Variants in NLGN4X observed in about 807,000 individuals in gnomAD.
NLGN4X encodes neuroligin-4, X-linked.
Under a neutral mutation model 40.3 loss-of-function variants are expected in NLGN4X, and 3 were observed. The observed-to-expected ratio is 0.07, with a 90% CI of 0.03 to 0.19. The LOEUF is 0.19. Among genes scored for constraint, NLGN4X ranks in the 10% least tolerant of loss-of-function variants. The pLI is 1.00. For synonymous variants in NLGN4X, 270 were observed against 306.8 expected, an observed-to-expected ratio of 0.88 and a Z score of 1.25; for missense variants, 382 against 708.3, an observed-to-expected ratio of 0.54 and a Z score of 5.23.
intron 1 of NLGN4X, among the ~76,000 whole-genome samples, chrX:6,226,337 C>T (rs1188034168): frequency 1.8e-5 from 2 of 110,278 alleles, no homozygotes; most frequent in East Asian, 5.8e-4. Context: ...AAAAAAAAGC[C>T]TTCTGGGGAA....
intron 3 of NLGN4X, among the ~76,000 whole-genome samples, chrX:5,939,541 T>C (rs2033849805): frequency 9.0e-6 from 1 of 111,639 alleles, no homozygotes; most frequent in Admixed American, 9.5e-5. Flanking sequence ...CATGATTCCT[T>C]TTCTGCTCAA....
intron 1 of NLGN4X, among the ~76,000 whole-genome samples, chrX:6,163,104 T>C (rs1222501454): frequency 8.9e-6 from 1 of 111,872 alleles, no homozygotes; most frequent in Non-Finnish European, 1.9e-5. Flanking sequence ...AAGACATGCC[T>C]TTGTTCTTAC....
chrX:6,154,997 G>A (rs1056637618), intron 1 of NLGN4X, among the ~76,000 whole-genome samples: 18 of 111,634 alleles, frequency 1.6e-4, no homozygotes, highest in African/African-American at 5.2e-4. Flanking sequence ...TTTAAGATAC[G>A]TATTTAATTA....
intron 2 of NLGN4X, among the ~76,000 whole-genome samples, chrX:6,088,002 C>G (rs1426113484): frequency 9.0e-6 from 1 of 110,775 alleles, no homozygotes; most frequent in Admixed American, 9.6e-5. Context: ...ATGTGCCATT[C>G]TCATCTACAC....
intron 1 of NLGN4X, among the ~76,000 whole-genome samples, chrX:6,214,597 T>C (rs924938274): frequency 1.3e-4 from 15 of 111,441 alleles, no homozygotes; most frequent in Non-Finnish European, 2.3e-4. Flanking sequence ...AATCCACCAG[T>C]TTTTGCAGAA....
rs919832428 is a variant in NLGN4X, at chrX:6,072,820, C to A, written c.473-43388G>T. Among the ~76,000 whole-genome samples, 3 of 111,394 alleles carry A rather than the reference C, an allele frequency of 2.7e-5. No individual in the cohort carries two copies. The Admixed American group carries it at 2.9e-4, about 11-fold the overall frequency. The stretch of plus-strand genomic sequence containing the variant: ...ACCTAACTAGAATCTCCAATTCCTT[C>A]TCTCCACCTTTGCAAATGTTACTCA... On this transcript the variant is annotated intron_variant, in intron 2 of 5. Coordinates refer to ENST00000381095, the MANE Select transcript of NLGN4X (RefSeq NM_181332.3).
Position 6,124,301 on chromosome X carries a change from G to C in NLGN4X, c.472+26694C>G, listed in dbSNP as rs139804048. ...ATATCCATATACATTAAATATATAAGATAAAGGACAGATAAGAAAAGATAA... is the reference window on the plus strand; with the variant it reads ...ATATCCATATACATTAAATATATAACATAAAGGACAGATAAGAAAAGATAA... On this transcript the variant is annotated intron_variant, in intron 2 of 5. Transcript: ENST00000381095. Among the ~76,000 whole-genome samples the C allele has an allele frequency of 5.2e-3, 583 of 111,433 alleles. 2 individuals are homozygous for C. The highest frequency in any genetic ancestry group is 0.017 in the African/African-American group (537 of 30,754).
At chrX:6,045,391 A>G (rs2037292129) in intron 2 of NLGN4X, among the ~76,000 whole-genome samples, 1 of 112,376 alleles carries the variant, frequency 8.9e-6, no homozygotes, top group Admixed American at 9.5e-5. Flanking sequence ...ACTAAAATGT[A>G]AAAGTTACTT....
chrX:5,986,636 T>G lies in NLGN4X; in HGVS notation c.625+42644A>C, dbSNP rs147357018. Among the ~76,000 whole-genome samples the G allele has an allele frequency of 2.5e-4, 28 of 111,749 alleles. No individual in the cohort carries two copies. In the East Asian group the frequency reaches 7.9e-3, roughly 31 times the overall value. The stretch of plus-strand genomic sequence containing the variant: ...ACATGGAAGGAAAATCAGAAGATAT[T>G]TGCAACATATATAATCAGTGAAGCA... On this transcript the variant is annotated intron_variant, in intron 3 of 5. Coordinates refer to ENST00000381095, the MANE Select transcript of NLGN4X (RefSeq NM_181332.3).
At position 6,092,316 on chromosome X, in the gene NLGN4X, T is replaced by C. The variant is rs200357321; in HGVS notation, c.472+58679A>G. 4.5e-5 allele frequency among the ~76,000 whole-genome samples: 5 copies of C among 112,118 alleles called. No homozygotes were observed. In the East Asian group the frequency reaches 1.4e-3, roughly 32 times the overall value. Reference sequence around the variant, plus strand: ...AGTCTGCCCTTATGTAACACACCCATAGTAGCACTGACCTCAGACAAAGGG... The same window carrying C: ...AGTCTGCCCTTATGTAACACACCCACAGTAGCACTGACCTCAGACAAAGGG... On this transcript the variant is annotated intron_variant, in intron 2 of 5. Coordinates refer to ENST00000381095, the MANE Select transcript of NLGN4X (RefSeq NM_181332.3).
chrX:6,129,382 T>G (rs1199798354), intron 2 of NLGN4X, among the ~76,000 whole-genome samples: 1 of 111,388 alleles, frequency 9.0e-6, no homozygotes, highest in Non-Finnish European at 1.9e-5. Context: ...GAAATCAGTG[T>G]GTGGACCAGA....
chrX:6,064,621 A>C (rs1374006207), intron 2 of NLGN4X, among the ~76,000 whole-genome samples: 1 of 111,343 alleles, frequency 9.0e-6, no homozygotes, highest in Non-Finnish European at 1.9e-5. Flanking sequence ...GAAGCAGGGG[A>C]CAAGCATGTC....
chrX:6,218,158 G>T (rs1232808476), intron 1 of NLGN4X, among the ~76,000 whole-genome samples: 1 of 110,935 alleles, frequency 9.0e-6, no homozygotes, highest in Non-Finnish European at 1.9e-5. Flanking sequence ...CTACCTCAAG[G>T]CTAGGACAAA....
intron 1 of NLGN4X, among the ~76,000 whole-genome samples, chrX:6,164,687 C>T (rs7061428): frequency 0.26 from 28,445 of 110,394 alleles, 2,697 homozygotes; most frequent in Admixed American, 0.29. Flanking sequence ...GTGCAATATC[C>T]GAAAAGCTGA....
intron 3 of NLGN4X, among the ~76,000 whole-genome samples, chrX:5,978,303 TC>T (rs2035259961): frequency 1.1e-5 from 1 of 92,603 alleles, no homozygotes; most frequent in Admixed American, 1.2e-4. Flanking sequence ...TTTCTTTCTT[TC>T]TTTCTTTCTT....
chrX:6,052,709 A>G (rs914616038), intron 2 of NLGN4X, among the ~76,000 whole-genome samples: 2 of 112,279 alleles, frequency 1.8e-5, no homozygotes, highest in African/African-American at 6.5e-5. Context: ...TATATTTAGA[A>G]TTGAAGCCCC....
chrX:6,155,600 C>T (rs930739797), intron 1 of NLGN4X, among the ~76,000 whole-genome samples: 1 of 111,909 alleles, frequency 8.9e-6, no homozygotes, highest in East Asian at 2.8e-4. Context: ...TCCATCCCTG[C>T]TCAACATCCA....
chrX:6,063,409 C>T (rs771119912), intron 2 of NLGN4X, among the ~76,000 whole-genome samples: 1 of 111,820 alleles, frequency 8.9e-6, no homozygotes, highest in South Asian at 3.8e-4. Context: ...TGCTTGAGCC[C>T]GGGAGTTGGA....
chrX:6,202,945 T>C (rs1923756070), intron 1 of NLGN4X, among the ~76,000 whole-genome samples: 1 of 112,097 alleles, frequency 8.9e-6, no homozygotes, highest in African/African-American at 3.2e-5. Context: ...TCTATCAGTA[T>C]CATCCTTCCA....
Sources: gnomAD v4.1 joint callset for allele counts (sites outside exome capture counted in the v4.1 genomes callset) on GRCh38, gnomAD v4.1.1 for gene constraint, MANE v1.5 for transcripts, NCBI Gene and HGNC (gene_info 2026-07-23, HGNC 2026-07-21) for gene names.